Variants in MAML3 observed in about 807,000 individuals in gnomAD.
MAML3 encodes the protein mastermind like transcriptional coactivator 3, also known as mastermind-like protein 3.
A neutral mutation model predicts 101.9 loss-of-function variants in MAML3; 27 were observed. The ratio of observed to expected loss-of-function variants is 0.27; its 90% CI spans 0.20 to 0.37. MAML3 has a LOEUF of 0.37. Among genes scored for constraint, MAML3 ranks in the 10% least tolerant of loss-of-function variants. The pLI, the probability that MAML3 is intolerant of heterozygous loss-of-function variation, is 1.00. For missense variants in MAML3, 1,316 were observed against 1,444.9 expected, an observed-to-expected ratio of 0.91 and a Z score of 1.45; for synonymous variants, 501 against 555.9, an observed-to-expected ratio of 0.90 and a Z score of 1.39.
At position 140,076,764 on chromosome 4, in the gene MAML3, G is replaced by T. The variant is rs114843509; in HGVS notation, c.468+76096C>A. Among the ~76,000 whole-genome samples, 1,009 of 152,300 alleles carry T rather than the reference G, an allele frequency of 6.6e-3. 12 individuals carry two copies. The highest frequency in any genetic ancestry group is 0.023 in the African/African-American group (963 of 41,554). On this transcript the variant is annotated intron_variant, in intron 1 of 4. Coordinates refer to ENST00000509479, the MANE Select transcript of MAML3 (RefSeq NM_018717.5). The stretch of plus-strand genomic sequence containing the variant: ...TCCAGTTTGTTCTTCCCCAAGATGG[G>T]CTGCCACAAGTTGCCATTTCCTGAC...
chr4:140,123,143 A>G (rs1728636454), intron 1 of MAML3, among the ~76,000 whole-genome samples: 1 of 151,346 alleles, frequency 6.6e-6, no homozygotes, highest in South Asian at 2.1e-4. Context: ...GCTACAATCA[A>G]CAAAGGACTG....
At chr4:139,972,121 A>G (rs1734243547) in intron 1 of MAML3, among the ~76,000 whole-genome samples, 1 of 152,174 alleles carries the variant, frequency 6.6e-6, no homozygotes. Context: ...TTACATAGGT[A>G]AATGTGTGCC....
chr4:140,121,503 G>C (rs1269354723), intron 1 of MAML3, among the ~76,000 whole-genome samples: 1 of 152,184 alleles, frequency 6.6e-6, no homozygotes, highest in Admixed American at 6.5e-5. Flanking sequence ...GAGGTGTTAG[G>C]CTGTGTAGAC....
intron 2 of MAML3, among the ~76,000 whole-genome samples, chr4:139,832,894 AAAT>A (rs1284204981): frequency 6.6e-6 from 1 of 152,208 alleles, no homozygotes; most frequent in African/African-American, 2.4e-5. Flanking sequence ...CTTAAATTTT[AAAT>A]AATAACCTTG....
chr4:139,886,716 C>G (rs1376831539), intron 2 of MAML3, among the ~76,000 whole-genome samples: 1 of 152,016 alleles, frequency 6.6e-6, no homozygotes, highest in East Asian at 1.9e-4. Context: ...ACACCATGAG[C>G]ATAATCTTTG....
At position 140,059,001 on chromosome 4, in the gene MAML3, C is replaced by T. The variant is rs570186707; in HGVS notation, c.468+93859G>A. On this transcript the variant is annotated intron_variant, in intron 1 of 4. Transcript: ENST00000509479. ...CTGTTCTTCTGCATATGCTGAACAACACTGTGATTCAGGTGAAGATTGTTT... is the reference window on the plus strand; with the variant it reads ...CTGTTCTTCTGCATATGCTGAACAATACTGTGATTCAGGTGAAGATTGTTT... Among the ~76,000 whole-genome samples, 52 of 152,304 alleles carry T rather than the reference C, an allele frequency of 3.4e-4. 1 individual carries two copies. The Middle Eastern group carries it at 0.01, about 30-fold the overall frequency.
At chr4:140,022,735 C>T (rs902412499) in intron 1 of MAML3, among the ~76,000 whole-genome samples, 3 of 152,206 alleles carry the variant, frequency 2.0e-5, no homozygotes, top group African/African-American at 2.4e-5. Context: ...ATGCCCATCT[C>T]TTTTTCCCTC....
intron 2 of MAML3, among the ~76,000 whole-genome samples, chr4:139,820,792 G>A (rs1331109563): frequency 6.6e-6 from 1 of 152,034 alleles, no homozygotes; most frequent in Non-Finnish European, 1.5e-5. Flanking sequence ...TGGTCATAAA[G>A]GTCTTTTTTT....
At chr4:139,941,825 A>C (rs1027237789) in intron 1 of MAML3, among the ~76,000 whole-genome samples, 2 of 152,122 alleles carry the variant, frequency 1.3e-5, no homozygotes. Flanking sequence ...ATCTTCTCTT[A>C]CTTCACATTA....
intron 1 of MAML3, among the ~76,000 whole-genome samples, chr4:140,075,475 T>C (rs575723575): frequency 5.3e-5 from 8 of 152,358 alleles, no homozygotes; most frequent in Non-Finnish European, 1.0e-4. Context: ...ATAAAGAACA[T>C]ATATGTATGT....
intron 2 of MAML3, among the ~76,000 whole-genome samples, chr4:139,837,225 G>A (rs1731270823): frequency 6.6e-6 from 1 of 151,426 alleles, no homozygotes. Flanking sequence ...TGGCCGGCGT[G>A]GTGGCTCACA....
chr4:139,721,299 A>G (rs1422111726), intron 4 of MAML3, among the ~76,000 whole-genome samples: 2 of 152,212 alleles, frequency 1.3e-5, no homozygotes, highest in South Asian at 2.1e-4. Context: ...GGGAATGGAA[A>G]TGTCGCCAGT....
chr4:140,127,590 A>G (rs973066761), intron 1 of MAML3, among the ~76,000 whole-genome samples: 2 of 152,096 alleles, frequency 1.3e-5, no homozygotes, highest in African/African-American at 4.8e-5. Context: ...TGGAGAAAAC[A>G]TGTTGGCTTC....
chr4:139,720,287 G>C lies in MAML3; in HGVS notation c.2453C>G (p.Ala818Gly), dbSNP rs1351468010. The part of the protein sequence containing the change: ...PQDIAAVRSQ[A>G]ALQSMRTSRL... ...TGACGTTCGCATGCTCTGGAGGGCT[G>C]CTTGGCTTCTTACGGCTGCTATATC... is the stretch of plus-strand genomic sequence containing the variant. The change falls in exon 5 of 5, where the codon GCA becomes GGA. Residue 818 changes from alanine (A) to glycine (G), a missense_variant. By Grantham distance (60) the Ala-to-Gly change is moderately conservative. Coordinates refer to ENST00000509479, the MANE Select transcript of MAML3 (RefSeq NM_018717.5). The C allele has an allele frequency of 1.3e-6, 2 of 1,561,892 alleles. No homozygotes were observed. The highest frequency in any genetic ancestry group is 3.6e-5 in the Admixed American group (2 of 55,026).
intron 2 of MAML3, among the ~76,000 whole-genome samples, chr4:139,757,163 G>A (rs1190942401): frequency 6.6e-6 from 1 of 152,078 alleles, no homozygotes; most frequent in Non-Finnish European, 1.5e-5. Flanking sequence ...GAGAATCAGG[G>A]CGTTTTACCT....
chr4:139,859,226 CATTTT>C (rs1731721344), intron 2 of MAML3, among the ~76,000 whole-genome samples: 1 of 134,690 alleles, frequency 7.4e-6, no homozygotes, highest in African/African-American at 2.8e-5. Flanking sequence ...GGTTCTACTA[CATTTT>C]TTTTTTTTTT....
intron 2 of MAML3, among the ~76,000 whole-genome samples, chr4:139,827,608 T>C (rs1731085052): frequency 1.3e-5 from 2 of 152,228 alleles, no homozygotes; most frequent in East Asian, 3.8e-4. Context: ...CCAATATCTT[T>C]GTTAATTAAG....
intron 1 of MAML3, among the ~76,000 whole-genome samples, chr4:140,039,334 C>T (rs993931680): frequency 3.9e-5 from 6 of 152,040 alleles, no homozygotes; most frequent in East Asian, 3.9e-4. Flanking sequence ...CTCCCTGGTA[C>T]GGTCAATTGG....
intron 2 of MAML3, among the ~76,000 whole-genome samples, chr4:139,822,738 C>T (rs981262527): frequency 6.6e-5 from 10 of 152,214 alleles, no homozygotes; most frequent in East Asian, 1.9e-4. Context: ...CTCCACATCT[C>T]GAACCCTAAT....
Sources: gnomAD v4.1 joint callset for allele counts (sites outside exome capture counted in the v4.1 genomes callset) on GRCh38, gnomAD v4.1.1 for gene constraint, MANE v1.5 for transcripts, NCBI Gene and HGNC (gene_info 2026-07-23, HGNC 2026-07-21) for gene names.